LIMD2: variants seen among roughly 807,000 people sequenced by gnomAD.
LIMD2 encodes the protein LIM domain-containing protein 2.
A neutral mutation model predicts 16.0 loss-of-function variants in LIMD2; 11 were observed. That is an observed-to-expected ratio of 0.69 (90% CI 0.43 to 1.14). LIMD2 has a LOEUF of 1.14. Among genes scored for constraint, LIMD2 ranks in the 50% most tolerant of loss-of-function variants. The pLI is 0.00. For synonymous variants in LIMD2, 60 were observed against 67.1 expected (o/e 0.89, Z 0.52); for missense variants, 168 against 165.8 (o/e 1.01, Z -0.07).
rs905820122 is a variant in LIMD2, at chr17:63,697,019, GTC to G, written c.*1531_*1532del. The G allele has an allele frequency of 1.3e-5, 2 of 152,252 alleles. No homozygotes were observed. The highest frequency in any genetic ancestry group is 2.4e-5 in the African/African-American group (1 of 41,432). 9.4% of individuals were successfully genotyped at this position (152,252 alleles called of 1,614,324 possible). A position where few individuals can be genotyped will look rare whatever the true frequency, so the allele number is the denominator to read the frequency against. ...TGTGGTGGCAGCAAACCCTCCAGGAGTCTCTGTTCTCATCGATCCCATGTCTG... is the reference window on the plus strand; with the variant it reads ...TGTGGTGGCAGCAAACCCTCCAGGAGTCTGTTCTCATCGATCCCATGTCTG... On this transcript the variant is annotated 3_prime_UTR_variant, in exon 5 of 5. Coordinates refer to ENST00000259006, the MANE Select transcript of LIMD2 (RefSeq NM_030576.4).
intron 1 of LIMD2, 79 bp downstream of exon 1, chr17:63,699,953 G>A (rs2035760581): frequency 3.1e-6 from 3 of 983,358 alleles, no homozygotes; most frequent in Admixed American, 6.2e-5. Flanking sequence ...GGGACCCCAC[G>A]GGCGGCCCTC....
rs1424454464 is a variant in LIMD2, at chr17:63,698,920, G to A, written c.103C>T (p.Gln35Ter). The change falls in exon 4 of 5, where the codon CAG becomes TAG. Residue 35 changes from glutamine (Q) to a stop codon, truncating the protein, a stop_gained. Coordinates refer to ENST00000259006, the MANE Select transcript of LIMD2 (RefSeq NM_030576.4). LOFTEE classifies it high-confidence loss of function. Reference sequence around the variant, plus strand: ...CAGGCGGCGCAGGTCTCCTTCACCTGGGCCCGCAGGCTGAAGGACTGTGCG... The same window carrying A: ...CAGGCGGCGCAGGTCTCCTTCACCTAGGCCCGCAGGCTGAAGGACTGTGCG... ...QRSKSFSLRA[Q>*]VKETCAACQK... is the part of the protein sequence containing the mutation. 1 of 1,612,796 alleles carries A rather than the reference G, an allele frequency of 6.2e-7. No individual in the cohort carries two copies. The highest frequency in any genetic ancestry group is 8.5e-7 in the Non-Finnish European group (1 of 1,179,926).
rs549255769 is a variant in LIMD2, at chr17:63,698,223, G to C, written c.*329C>G. 3.0e-6 allele frequency: 1 copy of C among 333,960 alleles called. No homozygotes were observed. The highest frequency in any genetic ancestry group is 3.5e-5 in the South Asian group (1 of 28,210). 20.7% of individuals were successfully genotyped at this position (333,960 alleles called of 1,614,324 possible). A position where few individuals can be genotyped will look rare whatever the true frequency, so the allele number is the denominator to read the frequency against. ...CTTGGGACCCTGAGGGGGGCATGCT[G>C]ACTCCTTGCTGGAGAAAAGGCACCT... On this transcript the variant is annotated 3_prime_UTR_variant, in exon 5 of 5. Transcript: ENST00000259006.
intron 1 of LIMD2, 105 bp from the exon 2 acceptor site, chr17:63,699,453 C>T: frequency 5.4e-6 from 6 of 1,102,282 alleles, no homozygotes; most frequent in Non-Finnish European, 5.0e-6. Context: ...TGGGACTTTC[C>T]CTAAGTCATT....
chr17:63,698,817 T>C lies in LIMD2; in HGVS notation c.206A>G (p.His69Arg), dbSNP rs2035735492. 1 of 1,611,380 alleles carries C rather than the reference T, an allele frequency of 6.2e-7. No individual in the cohort carries two copies. Among genetic ancestry groups the C allele is most frequent in the Non-Finnish European group, 8.5e-7 (1 of 1,179,540 alleles). Residue 69 changes from histidine (H) to arginine (R), a missense_variant, in exon 4 of 5, where the codon CAC becomes CGC. Physicochemically the swap from His to Arg is conservative, Grantham distance 29. Coordinates refer to ENST00000259006, the MANE Select transcript of LIMD2 (RefSeq NM_030576.4). ...IFHNSCFCCKHCHTKLSLGSY... is the reference protein window; with the variant it reads ...IFHNSCFCCKRCHTKLSLGSY... Reference sequence around the variant, plus strand: ...GGCGCACCTGAGCTTGGTGTGACAGTGCTTGCAGCAGAAGCAAGAGTTGTG... The same window carrying C: ...GGCGCACCTGAGCTTGGTGTGACAGCGCTTGCAGCAGAAGCAAGAGTTGTG...
At position 63,698,885 on chromosome 17, in the gene LIMD2, G is replaced by A. The variant is rs754807526; in HGVS notation, c.138C>T (p.Thr46=). 3 of 1,612,948 alleles carry A rather than the reference G, an allele frequency of 1.9e-6. No homozygotes were observed. Among genetic ancestry groups the A allele is most frequent in the Non-Finnish European group, 8.5e-7 (1 of 1,179,938 alleles). The change falls in exon 4 of 5, where the codon ACC becomes ACT. Residue 46 remains threonine, a synonymous_variant. Coordinates refer to ENST00000259006, the MANE Select transcript of LIMD2 (RefSeq NM_030576.4). ...CCACCAGCCGCTCCATGGGGTACAC[G>A]GTCTTCTGGCAGGCGGCGCAGGTCT... is the stretch of plus-strand genomic sequence containing the variant. ...VKETCAACQK[T]VYPMERLVAD...
At position 63,698,513 on chromosome 17, in the gene LIMD2, C is replaced by G. The variant is rs1568162274; in HGVS notation, c.*39G>C. 1 of 1,605,514 alleles carries G rather than the reference C, an allele frequency of 6.2e-7. No individual in the cohort carries two copies. The highest frequency in any genetic ancestry group is 2.2e-5 in the East Asian group (1 of 44,686). On this transcript the variant is annotated 3_prime_UTR_variant, in exon 5 of 5. Coordinates refer to ENST00000259006, the MANE Select transcript of LIMD2 (RefSeq NM_030576.4). ...CCTTCCCACCTTCCCCCTGCCGGCTCCAGGCCTTCCGCAGAGGGGGTGGAA... is the reference window on the plus strand; with the variant it reads ...CCTTCCCACCTTCCCCCTGCCGGCTGCAGGCCTTCCGCAGAGGGGGTGGAA...
At position 63,699,272 on chromosome 17, in the gene LIMD2, C is replaced by T; in HGVS notation, c.27G>A (p.Gln9=). 3 of 1,611,044 alleles carry T rather than the reference C, an allele frequency of 1.9e-6. No individual in the cohort carries two copies. Among genetic ancestry groups the T allele is most frequent in the Non-Finnish European group, 2.5e-6 (3 of 1,179,168 alleles). ...GGGCACTTACATGAGAGGGGGTGGC[C>T]TGGGCGGCTCCTGCAGCCTGGAACA... MFQAAGAA[Q]ATPSHDAKGG... Residue 9 remains glutamine, a synonymous_variant, in exon 2 of 5, where the codon CAG becomes CAA. Coordinates refer to ENST00000259006, the MANE Select transcript of LIMD2 (RefSeq NM_030576.4).
intron 1 of LIMD2, chr17:63,699,701 G>A (rs556702051): frequency 7.3e-6 from 3 of 412,960 alleles, no homozygotes; most frequent in African/African-American, 4.3e-5. Context: ...ACCTGACCCC[G>A]GCCCTCGCTG....
Position 63,698,304 on chromosome 17 carries a change from G to T in LIMD2, c.*248C>A. 1.8e-6 allele frequency: 1 copy of T among 556,896 alleles called. No individual in the cohort carries two copies. Among genetic ancestry groups the T allele is most frequent in the Admixed American group, 3.2e-5 (1 of 31,348 alleles). The allele number at this position is 556,896 out of a possible 1,614,324, so 34.5% of individuals were successfully genotyped here. On this transcript the variant is annotated 3_prime_UTR_variant, in exon 5 of 5. Transcript: ENST00000259006. The stretch of plus-strand genomic sequence containing the variant: ...AGGGGGTCCTGGGGTGAGGTGGGGA[G>T]GGAGGCTGAACGAAGCAGGAAGCAG...
chr17:63,698,647 T>C lies in LIMD2; in HGVS notation c.289A>G (p.Lys97Glu). 6.2e-7 allele frequency: 1 copy of C among 1,613,854 alleles called. No individual in the cohort carries two copies. Among genetic ancestry groups the C allele is most frequent in the South Asian group, 1.1e-5 (1 of 91,086 alleles). ...CCCTCGTCGTAGTTGCCTTTGCTCT[T>C]AAACAGCTGCTGGAAGTGGGGTTTG... ...YCKPHFQQLF[K>E]SKGNYDEGFG... Residue 97 changes from lysine (K) to glutamate (E), a missense_variant, in exon 5 of 5, where the codon AAG becomes GAG. By Grantham distance (56) the Lys-to-Glu change is moderately conservative. Transcript: ENST00000259006.
In LIMD2 at chr17:63,696,683, G is replaced by A. The variant is rs1002003069; in HGVS notation, c.*1869C>T. ...CCCATCTTTGCAGGGCAGGGGTCAG[G>A]TGTCTCCAAGAGCCACCTCTCCAGT... On this transcript the variant is annotated 3_prime_UTR_variant, in exon 5 of 5. Transcript: ENST00000259006. The A allele has an allele frequency of 6.6e-6, 1 of 152,248 alleles. No homozygotes were observed. The highest frequency in any genetic ancestry group is 1.9e-4 in the East Asian group (1 of 5,198). 9.4% of individuals were successfully genotyped at this position (152,248 alleles called of 1,614,324 possible). A position where few individuals can be genotyped will look rare whatever the true frequency, so the allele number is the denominator to read the frequency against.
chr17:63,700,304 G>A (rs2035766887), upstream of LIMD2: 2 of 358,114 alleles, frequency 5.6e-6, no homozygotes, highest in Middle Eastern at 1.4e-3. This position sits in a 1 kb window ranked among gnomAD's most constrained non-coding sequence, Gnocchi z 7.1. Context: ...TCTGTCCCCC[G>A]CCCCGGCTCC....
chr17:63,700,630 C>A (rs2035771044), upstream of LIMD2: 3 of 151,758 alleles, frequency 2.0e-5, no homozygotes, highest in Admixed American at 2.0e-4. This position sits in a 1 kb window ranked among gnomAD's most constrained non-coding sequence, Gnocchi z 7.1. Context: ...AGCTGTGGGG[C>A]CGCAGAGACC....
chr17:63,699,130 GC>G, intron 2 of LIMD2, 61 bp from the exon 3 acceptor site: 1 of 1,578,938 alleles, frequency 6.3e-7, no homozygotes, highest in Middle Eastern at 2.0e-4. Flanking sequence ...CAGGGCTGCA[GC>G]CATCAGCCCA....
chr17:63,698,594 G>C lies in LIMD2; in HGVS notation c.342C>G (p.Leu114=). 6.2e-7 allele frequency: 1 copy of C among 1,613,870 alleles called. No individual in the cohort carries two copies. The highest frequency in any genetic ancestry group is 8.5e-7 in the Non-Finnish European group (1 of 1,180,014). Residue 114 remains leucine (L), a synonymous_variant, in exon 5 of 5, where the codon CTC becomes CTG. Coordinates refer to ENST00000259006, the MANE Select transcript of LIMD2 (RefSeq NM_030576.4). ...CGGGGTCCACCTCCTTGTGGGCCCA[G>C]AGCTCCTTGTGCTGCTTGCGGCCAA... The part of the protein sequence containing the change: ...EGFGRKQHKE[L]WAHKEVDPGT...
At chr17:63,699,408 G>A in intron 1 of LIMD2, 60 bp from the exon 2 acceptor site, 1 of 1,467,732 alleles carries the variant, frequency 6.8e-7, no homozygotes, top group South Asian at 1.4e-5. Flanking sequence ...GCAGGGTGGG[G>A]GGTGTTGACA....
In LIMD2 at chr17:63,698,271, G is replaced by A. The variant is rs547824301; in HGVS notation, c.*281C>T. ...CCTAGATAGGGGAGCTGGGCTTGGG[G>A]GCCTCCCAGGGGGTCCTGGGGTGAG... On this transcript the variant is annotated 3_prime_UTR_variant, in exon 5 of 5. Transcript: ENST00000259006. 10 of 476,722 alleles carry A rather than the reference G, an allele frequency of 2.1e-5. No individual in the cohort carries two copies. Among genetic ancestry groups the A allele is most frequent in the South Asian group, 2.0e-4 (8 of 39,948 alleles). The allele number at this position is 476,722 out of a possible 1,614,324, so 29.5% of individuals were successfully genotyped here.
Position 63,699,041 on chromosome 17 carries a change from A to G in LIMD2, c.71T>C (p.Val24Ala). 2 of 1,608,734 alleles carry G rather than the reference A, an allele frequency of 1.2e-6. No individual in the cohort carries two copies. Among genetic ancestry groups the G allele is most frequent in the South Asian group, 2.2e-5 (2 of 90,744 alleles). The change falls in exon 3 of 5, where the codon GTG becomes GCG. Residue 24 changes from valine (V) to alanine (A), a missense_variant. Val to Ala is a moderately conservative substitution (Grantham distance 64). Coordinates refer to ENST00000259006, the MANE Select transcript of LIMD2 (RefSeq NM_030576.4). ...HDAKGGGSSTVQRSKSFSLRA... is the reference protein window; with the variant it reads ...HDAKGGGSSTAQRSKSFSLRA... ...CCAGGCCCCTACCTTGGAGCGCTGC[A>G]CCGTGCTGCTGCCGCCGCCTTTGGC... is the stretch of plus-strand genomic sequence containing the variant.
Sources: allele counts gnomAD v4.1 joint callset, GRCh38; gene constraint gnomAD v4.1.1; non-coding constraint Gnocchi (gnomAD v3.1); transcripts MANE v1.5; gene names NCBI Gene and HGNC (gene_info 2026-07-23, HGNC 2026-07-21).